RABEPK: variants seen among roughly 807,000 people sequenced by gnomAD.
RABEPK encodes the protein 40 kDa Rab9 effector protein.
RABEPK carries 27 observed loss-of-function variants against 34.1 expected under a neutral mutation model. The ratio of observed to expected loss-of-function variants is 0.79; its 90% confidence interval spans 0.58 to 1.09. The LOEUF is 1.09. Ranked by LOEUF, RABEPK falls within the 50% of genes least tolerant of loss-of-function variation. The pLI, the probability that RABEPK is intolerant of heterozygous loss-of-function variation, is 0.00. For synonymous variants in RABEPK, 172 were observed against 169.2 expected, an observed-to-expected ratio of 1.02 and a Z score of -0.13; for missense variants, 449 against 462.6, an observed-to-expected ratio of 0.97 and a Z score of 0.27.
chr9:125,217,392 T>C (rs1167587350), intron 4 of RABEPK, among the ~76,000 whole-genome samples: 1 of 151,990 alleles, frequency 6.6e-6, no homozygotes, highest in Non-Finnish European at 1.5e-5. Flanking sequence ...TTTTATTTTA[T>C]TTATTTATTT....
At chr9:125,226,459 C>T (rs1018313832) in intron 5 of RABEPK, among the ~76,000 whole-genome samples, 3 of 152,096 alleles carry the variant, frequency 2.0e-5, no homozygotes, top group Non-Finnish European at 2.9e-5. Flanking sequence ...GGCACAGTGG[C>T]TCACACCTAT....
chr9:125,210,081 A>AAATG (rs1295344751), intron 3 of RABEPK, among the ~76,000 whole-genome samples: 2 of 152,276 alleles, frequency 1.3e-5, no homozygotes, highest in East Asian at 1.9e-4. Context: ...ATAAGTATTT[A>AAATG]AATGAATGAA....
At chr9:125,201,689 C>T (rs953269729) in intron 1 of RABEPK, among the ~76,000 whole-genome samples, 1 of 152,108 alleles carries the variant, frequency 6.6e-6, no homozygotes, top group Non-Finnish European at 1.5e-5. Context: ...TTTCGGCTCA[C>T]TGCAACCTCC....
intron 2 of RABEPK, 25 bp downstream of exon 2, chr9:125,203,091 A>G: frequency 6.2e-7 from 1 of 1,601,656 alleles, no homozygotes; most frequent in Non-Finnish European, 8.6e-7. Flanking sequence ...ATCCAGACAC[A>G]GAAAAGCATG....
At chr9:125,220,899 G>A in intron 5 of RABEPK, 199 bp downstream of exon 5, 2 of 624,886 alleles carry the variant, frequency 3.2e-6, no homozygotes, top group South Asian at 3.1e-5. Context: ...TGGCATGGTG[G>A]CTCACACCTG....
intron 2 of RABEPK, among the ~76,000 whole-genome samples, chr9:125,205,516 C>T (rs1191699850): frequency 2.6e-5 from 4 of 152,098 alleles, no homozygotes; most frequent in African/African-American, 4.8e-5. Context: ...GTCTTTGAAA[C>T]GGAGTCTCAC....
chr9:125,220,102 G>A (rs11788700), intron 4 of RABEPK, among the ~76,000 whole-genome samples: 15,361 of 151,940 alleles, frequency 0.1, 1,055 homozygotes, highest in Non-Finnish European at 0.14. Flanking sequence ...GGGTTCAAGC[G>A]ATTCTCCTGC....
At chr9:125,219,724 A>G (rs1008184142) in intron 4 of RABEPK, among the ~76,000 whole-genome samples, 5 of 150,462 alleles carry the variant, frequency 3.3e-5, no homozygotes, top group African/African-American at 2.4e-5. Flanking sequence ...TAGAGACAGG[A>G]TATTGCTTTG....
chr9:125,229,688 C>A (rs1832038817), intron 6 of RABEPK, among the ~76,000 whole-genome samples: 1 of 152,152 alleles, frequency 6.6e-6, no homozygotes, highest in Admixed American at 6.6e-5. Flanking sequence ...TGGTGTTAGC[C>A]ATTAACCCAT....
chr9:125,220,829 C>G, intron 5 of RABEPK, 129 bp downstream of exon 5: 2 of 1,188,366 alleles, frequency 1.7e-6, no homozygotes, highest in Non-Finnish European at 2.3e-6. Context: ...TTTGTTATAT[C>G]TCTTAGCTGA....
rs1294942005 is a variant in RABEPK at position 125,201,648 on chromosome 9, C to G, written c.-7+742C>G. On this transcript the variant is annotated intron_variant, in intron 1 of 7. Coordinates refer to ENST00000373538, the MANE Select transcript of RABEPK (RefSeq NM_005833.4). The stretch of plus-strand genomic sequence containing the variant: ...TCTTTTTTTGAGGAGGAGTCTTGCT[C>G]TGTCGCCAGGCTGGAGTGCAAGTGG... Among the ~76,000 whole-genome samples, 6 of 152,096 alleles carry G rather than the reference C, an allele frequency of 3.9e-5. No homozygotes were observed. In the East Asian group the frequency reaches 1.2e-3, roughly 30 times the overall value.
At chr9:125,209,557 C>G (rs1830458942) in intron 3 of RABEPK, among the ~76,000 whole-genome samples, 2 of 152,008 alleles carry the variant, frequency 1.3e-5, no homozygotes, top group Non-Finnish European at 2.9e-5. Flanking sequence ...ACCATGTTGG[C>G]CAGGCTGGTC....
chr9:125,218,170 A>C (rs1193532991), intron 4 of RABEPK, among the ~76,000 whole-genome samples: 1 of 150,768 alleles, frequency 6.6e-6, no homozygotes, highest in African/African-American at 2.4e-5. Flanking sequence ...AATACAAAAA[A>C]TTAGCCGGGC....
chr9:125,228,368 CT>C (rs1831920855), intron 6 of RABEPK, among the ~76,000 whole-genome samples: 1 of 152,052 alleles, frequency 6.6e-6, no homozygotes, highest in Non-Finnish European at 1.5e-5. Context: ...AGAATATGGC[CT>C]TGCTTGGCCA....
chr9:125,214,213 G>T (rs756436605), intron 4 of RABEPK, among the ~76,000 whole-genome samples: 12 of 152,162 alleles, frequency 7.9e-5, no homozygotes, highest in South Asian at 2.1e-4. Context: ...AAGTCACCTA[G>T]ATTAGTAGTC....
At chr9:125,210,285 C>A (rs550439061) in intron 3 of RABEPK, among the ~76,000 whole-genome samples, 21 of 150,426 alleles carry the variant, frequency 1.4e-4, no homozygotes, top group Admixed American at 2.0e-4. Context: ...CACCTATAGT[C>A]CCAGCTACTC....
chr9:125,207,497 A>G (rs1299339223), intron 2 of RABEPK, 67 bp from the exon 3 acceptor site: 10 of 1,491,732 alleles, frequency 6.7e-6, no homozygotes, highest in Non-Finnish European at 9.3e-6. Flanking sequence ...TTCATGAGGA[A>G]TGGAAAGAGC....
At chr9:125,203,217 TTCAGAGGAAAGA>T in intron 2 of RABEPK, 151 bp downstream of exon 2, 1 of 633,854 alleles carries the variant, frequency 1.6e-6, no homozygotes, top group South Asian at 1.8e-5. Flanking sequence ...TGAGAAAGTC[TTCAGAGGAAAGA>T]TAGGGGGGCA....
At chr9:125,210,623 G>A (rs865994356) in intron 3 of RABEPK, among the ~76,000 whole-genome samples, 13 of 148,760 alleles carry the variant, frequency 8.7e-5, no homozygotes, top group Non-Finnish European at 1.2e-4. Context: ...CAGGAGAATT[G>A]CTTGCATCTG....
Sources: allele counts gnomAD v4.1 joint callset (sites outside exome capture counted in the v4.1 genomes callset), GRCh38; gene constraint gnomAD v4.1.1; transcripts MANE v1.5; gene names NCBI Gene and HGNC (gene_info 2026-07-23, HGNC 2026-07-21).